The following VPS13C variants were observed in gnomAD, a reference collection of about 807,000 sequenced individuals.
VPS13C encodes the protein intermembrane lipid transfer protein VPS13C.
VPS13C carries 358 observed loss-of-function variants against 456.8 expected under a neutral mutation model. The ratio of observed to expected loss-of-function variants is 0.78; its 90% CI spans 0.72 to 0.86. The LOEUF is 0.86. VPS13C is among the 40% of genes least tolerant of loss of function. The probability of loss-of-function intolerance (pLI) is 0.00; values close to 1 mark genes in which losing one functional copy is unlikely to be tolerated. For synonymous variants in VPS13C, 1,578 were observed against 1,486.7 expected (o/e 1.06, Z -1.41); for missense variants, 4,818 against 4,385.4 (o/e 1.10, Z -2.79).
rs779284229 is a variant in VPS13C at position 61,967,339 on chromosome 15, T to G, written c.2991+29A>C. The G allele has an allele frequency of 6.4e-6, 10 of 1,561,482 alleles. No individual in the cohort carries two copies. The African/African-American group carries it at 9.6e-5, about 15-fold the overall frequency. On this transcript the variant is annotated intron_variant, in intron 29 of 84. Transcript: ENST00000644861. ...CAGAGAAATAGTTTGGAGTAAACAATAAATATATAATCATTCTATAGCCCT... is the reference window on the plus strand; with the variant it reads ...CAGAGAAATAGTTTGGAGTAAACAAGAAATATATAATCATTCTATAGCCCT...
At chr15:61,957,810 G>A (rs1005816272) in intron 37 of VPS13C, among the ~76,000 whole-genome samples, 2 of 151,906 alleles carry the variant, frequency 1.3e-5, no homozygotes, top group African/African-American at 2.4e-5. Flanking sequence ...AATGTCTAGT[G>A]CTAGGAACTT....
intron 16 of VPS13C, among the ~76,000 whole-genome samples, chr15:61,992,680 C>T (rs2140426156): frequency 6.6e-6 from 1 of 152,134 alleles, no homozygotes; most frequent in South Asian, 2.1e-4. Flanking sequence ...CATTTTCAAG[C>T]CCTGTTTGAA....
At chr15:61,986,116 C>A (rs1416074530) in intron 18 of VPS13C, among the ~76,000 whole-genome samples, 1 of 150,980 alleles carries the variant, frequency 6.6e-6, no homozygotes, top group Non-Finnish European at 1.5e-5. Context: ...CACATACACA[C>A]ACACACACCG....
intron 66 of VPS13C, among the ~76,000 whole-genome samples, chr15:61,891,450 A>C (rs945928761): frequency 2.6e-5 from 4 of 152,334 alleles, no homozygotes; most frequent in Admixed American, 6.5e-5. Context: ...TTTTTACTCT[A>C]ATAAGAAATC....
intron 18 of VPS13C, among the ~76,000 whole-genome samples, chr15:61,985,691 T>C (rs2046027346): frequency 6.6e-6 from 1 of 152,180 alleles, no homozygotes; most frequent in South Asian, 2.1e-4. Context: ...AAGAAACCTG[T>C]ATAGAACATC....
At chr15:62,046,771 TTTAC>T (rs762574219) in intron 1 of VPS13C, among the ~76,000 whole-genome samples, 5 of 152,228 alleles carry the variant, frequency 3.3e-5, no homozygotes, top group Admixed American at 6.5e-5. Context: ...GCAGTGACAC[TTTAC>T]TTGTTTGATC....
At chr15:61,972,163 G>A (rs969204864) in intron 27 of VPS13C, among the ~76,000 whole-genome samples, 3 of 151,978 alleles carry the variant, frequency 2.0e-5, no homozygotes, top group South Asian at 4.2e-4. Flanking sequence ...ATGACATACC[G>A]TGAACATCTC....
rs185346415 is a variant in VPS13C, at chr15:61,903,934, A to C, written c.9105+3330T>G. On this transcript the variant is annotated intron_variant, in intron 66 of 84. Coordinates refer to ENST00000644861, the MANE Select transcript of VPS13C (RefSeq NM_020821.3). ...GGAAAACTGGATAACCATATGATGC[A>C]GGAGAATTAAACTAGACCCCTACCT... 1.6e-3 allele frequency among the ~76,000 whole-genome samples: 243 copies of C among 152,324 alleles called. 2 individuals carry two copies. Among genetic ancestry groups the C allele is most frequent in the African/African-American group, 5.6e-3 (233 of 41,580 alleles).
At chr15:61,921,906 A>G (rs1481976013) in intron 55 of VPS13C, 41 bp downstream of exon 55, 2 of 1,567,402 alleles carry the variant, frequency 1.3e-6, no homozygotes, top group South Asian at 2.2e-5. Context: ...ATGAATATGC[A>G]TAGTATCATT....
intron 1 of VPS13C, among the ~76,000 whole-genome samples, chr15:62,056,268 T>C (rs933951709): frequency 2.0e-5 from 3 of 152,192 alleles, no homozygotes; most frequent in African/African-American, 7.2e-5. Flanking sequence ...TATATGAATA[T>C]CATTAATCAT....
At chr15:62,037,209 A>AT (rs1461517236) in intron 3 of VPS13C, among the ~76,000 whole-genome samples, 70 of 106,312 alleles carry the variant, frequency 6.6e-4, no homozygotes, top group African/African-American at 2.2e-3. Flanking sequence ...TATAATATAT[A>AT]AATATATTAT....
At chr15:62,049,350 T>C (rs2140767866) in intron 1 of VPS13C, among the ~76,000 whole-genome samples, 1 of 152,372 alleles carries the variant, frequency 6.6e-6, no homozygotes, top group Admixed American at 6.5e-5. Context: ...GCACCATTTA[T>C]TACATAGGGA....
At chr15:62,010,248 G>A (rs1213627102) in intron 13 of VPS13C, among the ~76,000 whole-genome samples, 1 of 151,792 alleles carries the variant, frequency 6.6e-6, no homozygotes, top group Non-Finnish European at 1.5e-5. Context: ...GTCATTCCCT[G>A]CAGTTTGATA....
intron 66 of VPS13C, among the ~76,000 whole-genome samples, chr15:61,902,094 A>G (rs9920020): frequency 1.5e-3 from 188 of 122,560 alleles, no homozygotes; most frequent in African/African-American, 5.6e-3. Flanking sequence ...GGGGAACATC[A>G]CACTCTGGGG....
intron 35 of VPS13C, 64 bp downstream of exon 35, chr15:61,961,525 G>T: frequency 6.9e-7 from 1 of 1,448,186 alleles, no homozygotes; most frequent in Non-Finnish European, 9.2e-7. Flanking sequence ...GGAATTTCAA[G>T]TCATAAAATT....
intron 15 of VPS13C, among the ~76,000 whole-genome samples, chr15:62,004,928 G>A (rs2046779266): frequency 6.6e-6 from 1 of 152,074 alleles, no homozygotes; most frequent in Admixed American, 6.6e-5. Context: ...GCTGAGGAGA[G>A]CTTTACTTCC....
chr15:61,951,994 C>T lies in VPS13C; in HGVS notation c.4300-14G>A, dbSNP rs769000915. 6.2e-7 allele frequency: 1 copy of T among 1,609,892 alleles called. No homozygotes were observed. Among genetic ancestry groups the T allele is most frequent in the South Asian group, 1.1e-5 (1 of 90,354 alleles). On this transcript the variant is annotated splice_polypyrimidine_tract_variant and intron_variant, in intron 38 of 84. Coordinates refer to ENST00000644861, the MANE Select transcript of VPS13C (RefSeq NM_020821.3). The stretch of plus-strand genomic sequence containing the variant: ...AGTAACCACAACCTAAAAAACGGTA[C>T]CAGTATTACCACCAACTATTTCACC...
Position 61,940,777 on chromosome 15 carries a change from C to T in VPS13C, c.5471G>A (p.Ser1824Asn). 1 of 1,611,220 alleles carries T rather than the reference C, an allele frequency of 6.2e-7. No homozygotes were observed. The highest frequency in any genetic ancestry group is 1.1e-5 in the South Asian group (1 of 90,038). The change falls in exon 47 of 85, where the codon AGC becomes AAC. Residue 1824 changes from serine to asparagine, a missense_variant. By Grantham distance (46) the Ser-to-Asn change is conservative. Transcript: ENST00000644861. Reference sequence around the variant, plus strand: ...AATTTCAATGTCATTTTGTGGCAAGCTAGCCTGCAAAATAGTTCTGAAAGA... The same window carrying T: ...AATTTCAATGTCATTTTGTGGCAAGTTAGCCTGCAAAATAGTTCTGAAAGA... ...LKLSRTILQA[S>N]LPQNDIEILK...
chr15:61,949,148 C>T lies in VPS13C; in HGVS notation c.4759+295G>A, dbSNP rs147734506. On this transcript the variant is annotated intron_variant, in intron 42 of 84. Coordinates refer to ENST00000644861, the MANE Select transcript of VPS13C (RefSeq NM_020821.3). ...ACTGAACTTTTTCCTTTCTCACTTC[C>T]ATTGAACTGAAGACTACAAAGACAC... is the stretch of plus-strand genomic sequence containing the variant. Among the ~76,000 whole-genome samples, 87 of 152,232 alleles carry T rather than the reference C, an allele frequency of 5.7e-4. 1 individual carries two copies. In the East Asian group the frequency reaches 0.01, roughly 18 times the overall value.
Sources: allele counts gnomAD v4.1 joint callset (sites outside exome capture counted in the v4.1 genomes callset), GRCh38; gene constraint gnomAD v4.1.1; transcripts MANE v1.5; gene names NCBI Gene and HGNC (gene_info 2026-07-23, HGNC 2026-07-21).